CLTC: variants seen among roughly 807,000 people sequenced by gnomAD.
CLTC encodes clathrin heavy chain.
Under a neutral mutation model 195.8 loss-of-function variants are expected in CLTC, and 16 were observed. The observed-to-expected ratio is 0.08, with a 90% CI of 0.06 to 0.12. The LOEUF (loss-of-function observed/expected upper bound fraction) is 0.12. Among genes scored for constraint, CLTC ranks in the 10% least tolerant of loss-of-function variants. The pLI, the probability that CLTC is intolerant of heterozygous loss-of-function variation, is 1.00. For synonymous variants in CLTC, 667 were observed against 689.4 expected, an observed-to-expected ratio of 0.97 and a Z score of 0.51; for missense variants, 796 against 2,027.0, an observed-to-expected ratio of 0.39 and a Z score of 11.66.
intron 30 of CLTC, among the ~76,000 whole-genome samples, chr17:59,688,808 C>T (rs925960808): frequency 6.6e-6 from 1 of 152,206 alleles, no homozygotes; most frequent in South Asian, 2.1e-4. Context: ...CCTGGAAGTC[C>T]GGAAATGTAT....
In CLTC at chr17:59,673,776, A is replaced by C; in HGVS notation, c.2418+4A>C. 1 of 1,113,428 alleles carries C rather than the reference A, an allele frequency of 9.0e-7. No homozygotes were observed. The highest frequency in any genetic ancestry group is 1.4e-6 in the Non-Finnish European group (1 of 731,548). The allele number at this position is 1,113,428 out of a possible 1,614,324, so 69.0% of individuals were successfully genotyped here. ...TATAGAGATATATGTACAGAAGGTA[A>C]GTAATATGTAGGTAATGTAAAGGTA... On this transcript the variant is annotated splice_donor_region_variant and intron_variant, in intron 15 of 31. Transcript: ENST00000269122.
At chr17:59,674,541 T>G in intron 15 of CLTC, 160 bp from the exon 16 acceptor site, 1 of 588,302 alleles carries the variant, frequency 1.7e-6, no homozygotes. Context: ...AATTCCTCTA[T>G]CTAGTTGCAA....
At chr17:59,629,518 A>ATTTTT (rs5821273) in intron 1 of CLTC, among the ~76,000 whole-genome samples, 11 of 126,044 alleles carry the variant, frequency 8.7e-5, no homozygotes, top group East Asian at 2.3e-4. Context: ...AGAGATCATA[A>ATTTTT]TTTTTTTTTT....
chr17:59,693,445 T>A (rs1218728169), intron 31 of CLTC, among the ~76,000 whole-genome samples: 2 of 151,778 alleles, frequency 1.3e-5, no homozygotes, highest in Non-Finnish European at 2.9e-5. Context: ...GTAATATGCA[T>A]GTAGGTATGT....
chr17:59,671,684 T>C (rs1014908377), intron 14 of CLTC, among the ~76,000 whole-genome samples: 1 of 152,180 alleles, frequency 6.6e-6, no homozygotes, highest in African/African-American at 2.4e-5. Flanking sequence ...TCTACCTTTC[T>C]TTTTTTCTTT....
chr17:59,694,038 C>A lies in CLTC; in HGVS notation c.*186C>A. ...TAAAACCTTATTTCACATTCCACAT[C>A]ATTTTAGAATTTATTTTCGAAGGGG... On this transcript the variant is annotated 3_prime_UTR_variant, in exon 32 of 32. Transcript: ENST00000269122. 1 of 498,748 alleles carries A rather than the reference C, an allele frequency of 2.0e-6. No individual in the cohort carries two copies. Among genetic ancestry groups the A allele is most frequent in the Non-Finnish European group, 3.2e-6 (1 of 310,664 alleles). 30.9% of individuals were successfully genotyped at this position (498,748 alleles called of 1,614,324 possible).
chr17:59,689,075 T>C (rs1281674287), intron 30 of CLTC: 1 of 152,160 alleles, frequency 6.6e-6, no homozygotes. Context: ...AGTCTTTAAT[T>C]TGATATTAGG....
Position 59,647,513 on chromosome 17 carries a change from T to C in CLTC, c.366T>C (p.Val122=). Residue 122 remains valine, a synonymous_variant, in exon 3 of 32, where the codon GTT becomes GTC. Coordinates refer to ENST00000269122, the MANE Select transcript of CLTC (RefSeq NM_004859.4). Reference sequence around the variant, plus strand: ...TCTCTTTGAATACGGTTGCTCTTGTTACGGATAATGCAGTTTATCACTGGA... The same window carrying C: ...TCTCTTTGAATACGGTTGCTCTTGTCACGGATAATGCAGTTTATCACTGGA... ...KWISLNTVAL[V]TDNAVYHWSM... is the part of the protein sequence containing the mutation. The C allele has an allele frequency of 6.2e-7, 1 of 1,614,164 alleles. No homozygotes were observed. The highest frequency in any genetic ancestry group is 1.1e-5 in the South Asian group (1 of 91,082).
chr17:59,695,393 T>C lies in CLTC; in HGVS notation c.*1541T>C, dbSNP rs2033396964. ...CTGTCCCACCAGGTGTGGTGGCTCA[T>C]GCCTGTAATCCCAGCACTTTGGGAG... On this transcript the variant is annotated 3_prime_UTR_variant, in exon 32 of 32. Transcript: ENST00000269122. 1.1e-5 allele frequency: 2 copies of C among 179,728 alleles called. No homozygotes were observed. The highest frequency in any genetic ancestry group is 2.4e-5 in the Non-Finnish European group (2 of 84,018). 11.1% of individuals were successfully genotyped at this position (179,728 alleles called of 1,614,324 possible).
chr17:59,644,213 C>A, intron 1 of CLTC, 63 bp from the exon 2 acceptor site: 2 of 1,270,070 alleles, frequency 1.6e-6, no homozygotes, highest in Non-Finnish European at 1.1e-6. Flanking sequence ...TGTTGATGAG[C>A]ATATATGAAT....
intron 30 of CLTC, chr17:59,687,237 G>T (rs1211018097): frequency 6.5e-6 from 1 of 152,946 alleles, no homozygotes; most frequent in African/African-American, 2.4e-5. Context: ...TTTAGGAAGG[G>T]CAGGAGGCTA....
At position 59,661,368 on chromosome 17, in the gene CLTC, A is replaced by G; in HGVS notation, c.1168-75A>G. On this transcript the variant is annotated intron_variant, in intron 7 of 31. Transcript: ENST00000269122. Reference sequence around the variant, plus strand: ...ACAGGGTGTTTAGTGTGATGTTTGGATCACTTTCGAAGAGCGTTTAACATT... The same window carrying G: ...ACAGGGTGTTTAGTGTGATGTTTGGGTCACTTTCGAAGAGCGTTTAACATT... The G allele has an allele frequency of 2.6e-6, 3 of 1,162,268 alleles. No homozygotes were observed. In the Admixed American group the frequency reaches 5.1e-5, roughly 20 times the overall value. 72.0% of individuals were successfully genotyped at this position (1,162,268 alleles called of 1,614,324 possible). A position where few individuals can be genotyped will look rare whatever the true frequency, so the allele number is the denominator to read the frequency against.
Position 59,681,360 on chromosome 17 carries a change from T to G in CLTC, c.3131T>G (p.Ile1044Ser). ...GACCGTACACGTGTTATGGAGTATA[T>G]TAACCGCCTGGATAATTATGATGCC... The part of the protein sequence containing the change: ...KADRTRVMEY[I>S]NRLDNYDAPD... Residue 1044 changes from isoleucine (I) to serine (S), a missense_variant, in exon 20 of 32, where the codon ATT becomes AGT. Coordinates refer to ENST00000269122, the MANE Select transcript of CLTC (RefSeq NM_004859.4). The surrounding 1 kb of genome is among the most constrained non-coding windows in gnomAD (Gnocchi z 5.0). The G allele has an allele frequency of 6.2e-7, 1 of 1,614,150 alleles. No individual in the cohort carries two copies. The highest frequency in any genetic ancestry group is 8.5e-7 in the Non-Finnish European group (1 of 1,180,000).
intron 30 of CLTC, chr17:59,687,063 A>C: frequency 4.2e-6 from 4 of 961,794 alleles, no homozygotes; most frequent in Non-Finnish European, 3.7e-6. Context: ...TGGAGGACTA[A>C]GTCTAAGGAA....
In CLTC at chr17:59,683,035, T is replaced by C; in HGVS notation, c.3873+21T>C. On this transcript the variant is annotated intron_variant, in intron 24 of 31. Transcript: ENST00000269122. The surrounding 1 kb of genome is among the most constrained non-coding windows in gnomAD (Gnocchi z 6.1). The stretch of plus-strand genomic sequence containing the variant: ...ATCAGGTATTAACGAGACTTTTATA[T>C]GACCTGAGATCTTTTACCATAGATA... 3 of 1,613,606 alleles carry C rather than the reference T, an allele frequency of 1.9e-6. No individual in the cohort carries two copies. Among genetic ancestry groups the C allele is most frequent in the Non-Finnish European group, 2.5e-6 (3 of 1,179,512 alleles).
rs2032127768 is a variant in CLTC at position 59,644,341 on chromosome 17, A to G, written c.108A>G (p.Lys36=). The change falls in exon 2 of 32, where the codon AAA becomes AAG. Residue 36 remains lysine (K), a synonymous_variant. Coordinates refer to ENST00000269122, the MANE Select transcript of CLTC (RefSeq NM_004859.4). The part of the protein sequence containing the change: ...GFSTLTMESD[K]FICIREKVGE... ...GTACCCTGACTATGGAGTCTGACAA[A>G]TTCATCTGCATTAGAGAAAAAGTAG... 1 of 1,613,974 alleles carries G rather than the reference A, an allele frequency of 6.2e-7. No individual in the cohort carries two copies. Among genetic ancestry groups the G allele is most frequent in the African/African-American group, 1.3e-5 (1 of 74,896 alleles).
At chr17:59,644,614 G>C in intron 2 of CLTC, 131 bp downstream of exon 2, 1 of 736,802 alleles carries the variant, frequency 1.4e-6, no homozygotes. Flanking sequence ...GCAATGGCAC[G>C]ATCTTGGCTC....
chr17:59,661,075 A>C (rs1344749518), intron 7 of CLTC, among the ~76,000 whole-genome samples: 1 of 152,098 alleles, frequency 6.6e-6, no homozygotes, highest in Non-Finnish European at 1.5e-5. Context: ...ACTTAATTTA[A>C]TATGAACTTG....
chr17:59,649,702 G>A (rs1401532393), intron 4 of CLTC, among the ~76,000 whole-genome samples: 1 of 152,162 alleles, frequency 6.6e-6, no homozygotes, highest in Non-Finnish European at 1.5e-5. Context: ...CAGGAGAGAG[G>A]AAACAGTAAG....
Sources: allele counts gnomAD v4.1 joint callset (sites outside exome capture counted in the v4.1 genomes callset), GRCh38; gene constraint gnomAD v4.1.1; non-coding constraint Gnocchi (gnomAD v3.1); transcripts MANE v1.5; gene names NCBI Gene and HGNC (gene_info 2026-07-23, HGNC 2026-07-21).